SYN3: variants seen among roughly 807,000 people sequenced by gnomAD.
SYN3 encodes synapsin-3.
In SYN3, 35 loss-of-function variants were observed where a neutral mutation model predicts 65.8. The observed-to-expected ratio is 0.53, with a 90% CI of 0.41 to 0.70. The LOEUF (loss-of-function observed/expected upper bound fraction) is 0.70, where lower values mean the gene tolerates loss of function less well. Ranked by LOEUF, SYN3 falls within the 30% of genes least tolerant of loss-of-function variation. The pLI is 0.00. For missense variants in SYN3, 680 were observed against 749.0 expected (o/e 0.91, Z 1.08); for synonymous variants, 270 against 292.9 (o/e 0.92, Z 0.80).
chr22:32,724,875 C>T (rs1015579210), intron 6 of SYN3, among the ~76,000 whole-genome samples: 4 of 152,158 alleles, frequency 2.6e-5, no homozygotes, highest in Non-Finnish European at 4.4e-5. Flanking sequence ...AATCCCAGCA[C>T]TTTGGGAGGC....
chr22:32,669,068 G>A lies in SYN3; in HGVS notation c.712-72332C>T, dbSNP rs1002498900. ...ATTTCTCAAAAATCCTATGAGGCAG[G>A]TATGTAAATCTATATTTTGCAGATA... On this transcript the variant is annotated intron_variant, in intron 6 of 13. Transcript: ENST00000358763. Among the ~76,000 whole-genome samples the A allele has an allele frequency of 8.5e-5, 13 of 152,304 alleles. No individual in the cohort carries two copies. In the East Asian group the frequency reaches 2.5e-3, roughly 29 times the overall value.
chr22:32,917,895 G>T (rs1293105402), intron 4 of SYN3, among the ~76,000 whole-genome samples: 1 of 152,240 alleles, frequency 6.6e-6, no homozygotes, highest in Non-Finnish European at 1.5e-5. Flanking sequence ...CAAGTCCCCA[G>T]GGATCCTGCT....
chr22:32,602,266 T>C (rs190341203), intron 6 of SYN3, among the ~76,000 whole-genome samples: 1 of 152,314 alleles, frequency 6.6e-6, no homozygotes, highest in East Asian at 1.9e-4. Flanking sequence ...CTCCCCAGTG[T>C]GTCTGGGGTG....
At chr22:32,851,893 G>A (rs2048229056) in intron 6 of SYN3, among the ~76,000 whole-genome samples, 2 of 152,130 alleles carry the variant, frequency 1.3e-5, no homozygotes, top group African/African-American at 4.8e-5. Context: ...GTACCAGCCT[G>A]CAAGTCAGAC....
At position 32,511,793 on chromosome 22, in the gene SYN3, G is replaced by A. The variant is rs2146034975; in HGVS notation, c.*1899C>T. Reference sequence around the variant, plus strand: ...ATTGGACCTATCTGATCTTTCTTATGTCAGGTCTGCTACTTATTATTGAAT... The same window carrying A: ...ATTGGACCTATCTGATCTTTCTTATATCAGGTCTGCTACTTATTATTGAAT... On this transcript the variant is annotated 3_prime_UTR_variant, in exon 14 of 14. Coordinates refer to ENST00000358763, the MANE Select transcript of SYN3 (RefSeq NM_003490.4). Among the ~76,000 whole-genome samples the A allele has an allele frequency of 6.6e-6, 1 of 152,292 alleles. No individual in the cohort carries two copies. Among genetic ancestry groups the A allele is most frequent in the South Asian group, 2.1e-4 (1 of 4,828 alleles).
At chr22:32,526,411 CT>C (rs1432781420) in intron 12 of SYN3, among the ~76,000 whole-genome samples, 3 of 152,196 alleles carry the variant, frequency 2.0e-5, no homozygotes, top group African/African-American at 4.8e-5. Context: ...CCAAGGTTGA[CT>C]TTTTTTCACA....
At position 32,778,820 on chromosome 22, in the gene SYN3, C is replaced by T. The variant is rs535875299; in HGVS notation, c.711+86095G>A. 5.6e-4 allele frequency among the ~76,000 whole-genome samples: 86 copies of T among 152,344 alleles called. 1 individual carries two copies. The highest frequency in any genetic ancestry group is 1.7e-3 in the African/African-American group (71 of 41,578). On this transcript the variant is annotated intron_variant, in intron 6 of 13. Coordinates refer to ENST00000358763, the MANE Select transcript of SYN3 (RefSeq NM_003490.4). ...TTTGTTTCTTAATAAGAAAGCAACA[C>T]ACAAACTCCAGGACTTTTACTATCA...
intron 6 of SYN3, 100 bp from the exon 7 acceptor site, chr22:32,596,836 G>T: frequency 8.2e-7 from 1 of 1,224,576 alleles, no homozygotes; most frequent in Non-Finnish European, 1.2e-6. Context: ...CATTTCATAT[G>T]GTCGGGAATC....
intron 3 of SYN3, 76 bp from the exon 4 acceptor site, chr22:32,931,557 C>T (rs983678029): frequency 1.4e-5 from 14 of 981,412 alleles, no homozygotes; most frequent in Middle Eastern, 2.1e-4. Flanking sequence ...ATATTGGGTA[C>T]TTAGAGGTAC....
intron 5 of SYN3, among the ~76,000 whole-genome samples, chr22:32,868,544 G>A (rs1269629537): frequency 6.6e-6 from 1 of 151,790 alleles, no homozygotes; most frequent in Non-Finnish European, 1.5e-5. Flanking sequence ...GGGTTCAAGC[G>A]ATTCTCCTGC....
At chr22:32,595,705 G>T (rs973034179) in intron 7 of SYN3, among the ~76,000 whole-genome samples, 11 of 152,228 alleles carry the variant, frequency 7.2e-5, no homozygotes, top group African/African-American at 9.6e-5. Flanking sequence ...GGAGGTGATT[G>T]GATCATGGGG....
At chr22:32,561,548 G>A (rs75185301) in intron 7 of SYN3, among the ~76,000 whole-genome samples, 1 of 152,246 alleles carries the variant, frequency 6.6e-6, no homozygotes, top group African/African-American at 2.4e-5. Flanking sequence ...CTTTCAGTTG[G>A]GGGAATGATA....
intron 6 of SYN3, among the ~76,000 whole-genome samples, chr22:32,786,097 G>A (rs566821886): frequency 5.8e-4 from 89 of 152,234 alleles, no homozygotes; most frequent in South Asian, 1.0e-3. Flanking sequence ...GCAGTGCTTG[G>A]CCCTTAGGGC....
chr22:33,029,018 T>C (rs953039475), intron 1 of SYN3, among the ~76,000 whole-genome samples: 10 of 150,752 alleles, frequency 6.6e-5, no homozygotes, highest in African/African-American at 2.2e-4. Flanking sequence ...ACAGCCTGGG[T>C]GACAGAGCGA....
intron 7 of SYN3, among the ~76,000 whole-genome samples, chr22:32,585,884 A>G (rs543712113): frequency 1.1e-4 from 16 of 149,592 alleles, no homozygotes; most frequent in African/African-American, 3.7e-4. Flanking sequence ...AGACATATAT[A>G]CGTATATATA....
chr22:32,759,111 G>A (rs547229126), intron 6 of SYN3, among the ~76,000 whole-genome samples: 60 of 152,182 alleles, frequency 3.9e-4, no homozygotes, highest in African/African-American at 6.7e-4. Flanking sequence ...AGTTGTGGTC[G>A]CCAGATGGAA....
chr22:32,857,504 C>T, intron 6 of SYN3: 3 of 732,082 alleles, frequency 4.1e-6, no homozygotes, highest in Non-Finnish European at 7.3e-6. Context: ...ATCCCACTTA[C>T]CCAGTGCTAG....
intron 6 of SYN3, among the ~76,000 whole-genome samples, chr22:32,821,636 G>A (rs898622350): frequency 2.1e-4 from 32 of 152,208 alleles, no homozygotes; most frequent in African/African-American, 7.7e-4. Context: ...GAAGAGCGGA[G>A]GCCCAGAGAA....
At chr22:32,948,989 T>C (rs922800640) in intron 3 of SYN3, among the ~76,000 whole-genome samples, 4 of 152,022 alleles carry the variant, frequency 2.6e-5, no homozygotes, top group Admixed American at 2.6e-4. Context: ...TGTTTTGCAT[T>C]TTGGATTTGT....
Sources: gnomAD v4.1 joint callset for allele counts (sites outside exome capture counted in the v4.1 genomes callset) on GRCh38, gnomAD v4.1.1 for gene constraint, MANE v1.5 for transcripts, NCBI Gene and HGNC (gene_info 2026-07-23, HGNC 2026-07-21) for gene names.